The following NXN variants were observed in gnomAD, a reference collection of about 807,000 sequenced individuals.
NXN encodes nucleoredoxin 1.
NXN carries 16 observed loss-of-function variants against 48.6 expected under a neutral mutation model. That is an observed-to-expected ratio of 0.33 (90% CI 0.22 to 0.50). The LOEUF (loss-of-function observed/expected upper bound fraction) is 0.50. NXN is among the 20% of genes least tolerant of loss of function. NXN has a pLI of 0.98. For missense variants in NXN, 492 were observed against 605.5 expected, an observed-to-expected ratio of 0.81 and a Z score of 1.97; for synonymous variants, 281 against 269.6, an observed-to-expected ratio of 1.04 and a Z score of -0.41.
At chr17:893,072 G>C (rs73975581) in intron 1 of NXN, among the ~76,000 whole-genome samples, 8,060 of 152,330 alleles carry the variant, frequency 0.053, 375 homozygotes, top group African/African-American at 0.12. Context: ...AAAATTTAAA[G>C]TCTTCAGACG....
intron 1 of NXN, among the ~76,000 whole-genome samples, chr17:972,985 C>T (rs1274612784): frequency 7.9e-5 from 12 of 151,280 alleles, no homozygotes; most frequent in Admixed American, 4.6e-4. Flanking sequence ...GAGCCCAGAT[C>T]GCTCCACTGC....
intron 6 of NXN, chr17:804,046 C>T: frequency 1.9e-6 from 1 of 533,054 alleles, no homozygotes; most frequent in South Asian, 2.1e-5. Flanking sequence ...GAGGAACCTG[C>T]CTCACTGAGC....
intron 5 of NXN, among the ~76,000 whole-genome samples, chr17:816,355 T>G (rs1597623997): frequency 1.3e-5 from 2 of 151,530 alleles, no homozygotes; most frequent in African/African-American, 4.8e-5. Flanking sequence ...TCATGGTCTC[T>G]AAGGAGAGTG....
At chr17:841,299 C>T (rs928003249) in intron 1 of NXN, among the ~76,000 whole-genome samples, 1 of 152,238 alleles carries the variant, frequency 6.6e-6, no homozygotes, top group Non-Finnish European at 1.5e-5. Context: ...GTCAAAGAGG[C>T]AGCACTGGAC....
chr17:957,209 C>T (rs757172143), intron 1 of NXN, among the ~76,000 whole-genome samples: 7 of 152,098 alleles, frequency 4.6e-5, no homozygotes, highest in Non-Finnish European at 8.8e-5. Flanking sequence ...AGAGCGTCCT[C>T]ATCCCTGTCA....
chr17:892,309 C>T (rs941815716), intron 1 of NXN, among the ~76,000 whole-genome samples: 5 of 152,100 alleles, frequency 3.3e-5, no homozygotes, highest in Non-Finnish European at 5.9e-5. Flanking sequence ...ACAATTAGAA[C>T]TTAGGGCATT....
intron 1 of NXN, among the ~76,000 whole-genome samples, chr17:902,273 T>C (rs937364758): frequency 1.3e-5 from 2 of 152,204 alleles, no homozygotes; most frequent in East Asian, 3.9e-4. Context: ...CGCTCTGGCG[T>C]TCTCAGAAAC....
At chr17:915,083 C>T (rs534598431) in intron 1 of NXN, among the ~76,000 whole-genome samples, 74 of 151,222 alleles carry the variant, frequency 4.9e-4, no homozygotes, top group Non-Finnish European at 9.1e-4. Flanking sequence ...TACAGGCACC[C>T]GCCACAACGC....
chr17:801,235 A>G, intron 7 of NXN, 104 bp from the exon 8 acceptor site: 2 of 892,610 alleles, frequency 2.2e-6, no homozygotes, highest in Middle Eastern at 3.7e-4. Context: ...CGCACCCTGA[A>G]GAGCCGGCGT....
chr17:943,968 T>C (rs1290859868), intron 1 of NXN, among the ~76,000 whole-genome samples: 2 of 151,992 alleles, frequency 1.3e-5, no homozygotes, highest in African/African-American at 2.4e-5. Context: ...CCGGGCACGG[T>C]GGCTCACGCC....
At chr17:912,825 G>C (rs780141492) in intron 1 of NXN, among the ~76,000 whole-genome samples, 1 of 152,016 alleles carries the variant, frequency 6.6e-6, no homozygotes, top group East Asian at 1.9e-4. Flanking sequence ...GTGGTGGTAC[G>C]TGTCTGTAAT....
rs998547427 is a variant in NXN, at chr17:819,616, T to C, written c.714-71A>G. 14 of 1,067,488 alleles carry C rather than the reference T, an allele frequency of 1.3e-5. No individual in the cohort carries two copies. The African/African-American group carries it at 1.7e-4, about 13-fold the overall frequency. The allele number at this position is 1,067,488 out of a possible 1,614,324, so 66.1% of individuals were successfully genotyped here. A position where few individuals can be genotyped will look rare whatever the true frequency, so the allele number is the denominator to read the frequency against. ...CACCAACGCTGAATCCTCCCACCTC[T>C]GCCGAGTTCTGCCCAGGGATTCTGC... On this transcript the variant is annotated intron_variant, in intron 4 of 7. Coordinates refer to ENST00000336868, the MANE Select transcript of NXN (RefSeq NM_022463.5).
chr17:816,468 G>A (rs1158328688), intron 5 of NXN, among the ~76,000 whole-genome samples: 3 of 151,852 alleles, frequency 2.0e-5, no homozygotes, highest in South Asian at 2.1e-4. Flanking sequence ...TCCGTCTGCC[G>A]GGACCTTCCC....
At position 955,724 on chromosome 17, in the gene NXN, G is replaced by A. The variant is rs572213953; in HGVS notation, c.360+23595C>T. 1.9e-3 allele frequency among the ~76,000 whole-genome samples: 282 copies of A among 151,396 alleles called. 1 individual carries two copies. In the South Asian group the frequency reaches 0.039, roughly 21 times the overall value. The stretch of plus-strand genomic sequence containing the variant: ...ATCCTGGCTAACACGGTGAAACCCT[G>A]TCTCTACTAAAAAAAAATACAAAAA... On this transcript the variant is annotated intron_variant, in intron 1 of 7. Transcript: ENST00000336868.
At position 958,938 on chromosome 17, in the gene NXN, GAA is replaced by G; in HGVS notation, c.360+20379_360+20380del. On this transcript the variant is annotated intron_variant, in intron 1 of 7. Transcript: ENST00000336868. The surrounding 1 kb of genome is among the most constrained non-coding windows in gnomAD (Gnocchi z 6.9). Reference sequence around the variant, plus strand: ...CAGCCTGAGACTTGTCTTTAAAAAAGAAACACACACACACACATACACACACA... The same window carrying G: ...CAGCCTGAGACTTGTCTTTAAAAAAGACACACACACACACATACACACACA... 6.5e-6 allele frequency: 1 copy of G among 155,014 alleles called. No individual in the cohort carries two copies. Among genetic ancestry groups the G allele is most frequent in the African/African-American group, 2.5e-5 (1 of 39,420 alleles). The allele number at this position is 155,014 out of a possible 1,614,324, so 9.6% of individuals were successfully genotyped here.
intron 5 of NXN, among the ~76,000 whole-genome samples, chr17:812,893 T>G (rs943641872): frequency 6.9e-6 from 1 of 144,952 alleles, no homozygotes. Flanking sequence ...CATGTGAATG[T>G]AGGTGTGTGC....
At chr17:880,372 G>A (rs936087364) in intron 1 of NXN, among the ~76,000 whole-genome samples, 13 of 152,232 alleles carry the variant, frequency 8.5e-5, no homozygotes, top group Middle Eastern at 3.4e-3. Flanking sequence ...CTGTGATTAG[G>A]ACCACATAAA....
chr17:950,897 A>T (rs1567516000), intron 1 of NXN, among the ~76,000 whole-genome samples: 2 of 151,280 alleles, frequency 1.3e-5, no homozygotes, highest in African/African-American at 4.9e-5. Flanking sequence ...CGTAAGAAAG[A>T]CACATTCCTC....
intron 1 of NXN, among the ~76,000 whole-genome samples, chr17:888,322 G>GATCCT (rs1238664890): frequency 3.3e-5 from 5 of 152,278 alleles, no homozygotes; most frequent in African/African-American, 1.2e-4. Context: ...GGGCTCAAGC[G>GATCCT]ATCCTCCCAC....
Sources: gnomAD v4.1 joint callset for allele counts (sites outside exome capture counted in the v4.1 genomes callset) on GRCh38, gnomAD v4.1.1 for gene constraint, Gnocchi (gnomAD v3.1) non-coding constraint, MANE v1.5 for transcripts, NCBI Gene and HGNC (gene_info 2026-07-23, HGNC 2026-07-21) for gene names.